Variants in RIMBP2 observed in about 807,000 individuals in gnomAD.
RIMBP2 encodes RIMS-binding protein 2.
In RIMBP2, 48 loss-of-function variants were observed where a neutral mutation model predicts 118.6. That is an observed-to-expected ratio of 0.40 (90% CI 0.32 to 0.51). The LOEUF (loss-of-function observed/expected upper bound fraction) is 0.51, where lower values mean the gene tolerates loss of function less well. Among genes scored for constraint, RIMBP2 ranks in the 20% least tolerant of loss-of-function variants. The pLI, the probability that RIMBP2 is intolerant of heterozygous loss-of-function variation, is 0.41. For missense variants in RIMBP2, 1,551 were observed against 1,768.3 expected, an observed-to-expected ratio of 0.88 and a Z score of 2.20; for synonymous variants, 762 against 742.9, an observed-to-expected ratio of 1.03 and a Z score of -0.42.
At chr12:130,565,917 T>C (rs1194187413) in intron 2 of RIMBP2, among the ~76,000 whole-genome samples, 6 of 152,216 alleles carry the variant, frequency 3.9e-5, no homozygotes, top group Non-Finnish European at 8.8e-5. Flanking sequence ...AATAATATTG[T>C]TTCTACTCCC....
chr12:130,586,343 A>G (rs1186401342), intron 2 of RIMBP2, among the ~76,000 whole-genome samples: 3 of 152,104 alleles, frequency 2.0e-5, no homozygotes, highest in African/African-American at 7.2e-5. Context: ...TCCCAGCTAC[A>G]TGGGAGGCTG....
intron 2 of RIMBP2, among the ~76,000 whole-genome samples, chr12:130,602,810 C>T (rs968564494): frequency 2.6e-5 from 4 of 152,120 alleles, no homozygotes; most frequent in African/African-American, 9.7e-5. Context: ...GTTCTTTTAG[C>T]ATAAACAGAG....
intron 2 of RIMBP2, among the ~76,000 whole-genome samples, chr12:130,524,693 A>C (rs535248045): frequency 6.6e-6 from 1 of 152,342 alleles, no homozygotes; most frequent in South Asian, 2.1e-4. Context: ...AGGGGATTGA[A>C]GAAGGGTCAG....
chr12:130,539,246 T>C (rs925343779), intron 2 of RIMBP2, among the ~76,000 whole-genome samples: 16 of 152,238 alleles, frequency 1.1e-4, no homozygotes, highest in African/African-American at 3.9e-4. Flanking sequence ...ATGTATTATA[T>C]AACAGTGTCA....
At chr12:130,643,141 A>C (rs760130037) in intron 1 of RIMBP2, among the ~76,000 whole-genome samples, 3 of 152,144 alleles carry the variant, frequency 2.0e-5, no homozygotes, top group Non-Finnish European at 2.9e-5. Context: ...ACCTGTGCCA[A>C]CCTTTCATTT....
At chr12:130,674,095 G>C (rs2064328471) in intron 1 of RIMBP2, among the ~76,000 whole-genome samples, 2 of 152,102 alleles carry the variant, frequency 1.3e-5, no homozygotes, top group South Asian at 4.2e-4. Context: ...TCCAGCCTGG[G>C]CGACAGAGTG....
In RIMBP2 at chr12:130,424,773, C is replaced by T; in HGVS notation, c.2498G>A (p.Ser833Asn). The change falls in exon 16 of 23, where the codon AGT (serine) becomes AAT (asparagine). Residue 833 changes from serine (S) to asparagine (N), a missense_variant. Transcript: ENST00000690449. This position sits in a 1 kb window ranked among gnomAD's most constrained non-coding sequence, Gnocchi z 9.8. Reference protein sequence around the residue: ...PHQPHRKRLFSIPEVAEEDGE... With the variant: ...PHQPHRKRLFNIPEVAEEDGE... Reference sequence around the variant, plus strand: ...GTCCTCTTCCGCTACTTCGGGGATACTGAAAAGTCTCTTCCTGTGGGGCTG... The same window carrying T: ...GTCCTCTTCCGCTACTTCGGGGATATTGAAAAGTCTCTTCCTGTGGGGCTG... The T allele has an allele frequency of 8.1e-7, 1 of 1,232,776 alleles. No individual in the cohort carries two copies. The highest frequency in any genetic ancestry group is 3.2e-5 in the East Asian group (1 of 31,702). 76.4% of individuals were successfully genotyped at this position (1,232,776 alleles called of 1,614,324 possible).
At chr12:130,464,837 C>T (rs1367704615) in intron 6 of RIMBP2, among the ~76,000 whole-genome samples, 1 of 152,246 alleles carries the variant, frequency 6.6e-6, no homozygotes, top group African/African-American at 2.4e-5. Flanking sequence ...CAGGGGTCAC[C>T]CAGCCTCTGA....
chr12:130,409,755 T>A (rs958877856), intron 19 of RIMBP2, among the ~76,000 whole-genome samples: 40 of 152,182 alleles, frequency 2.6e-4, no homozygotes, highest in African/African-American at 8.7e-4. Context: ...TAGGCCCCAT[T>A]GTGTGGGGCG....
intron 2 of RIMBP2, among the ~76,000 whole-genome samples, chr12:130,538,508 G>A (rs968628736): frequency 3.3e-5 from 5 of 151,920 alleles, no homozygotes; most frequent in Admixed American, 6.6e-5. Context: ...CCAGCCACCC[G>A]CCCACCTATG....
intron 2 of RIMBP2, among the ~76,000 whole-genome samples, chr12:130,557,767 C>T (rs1022313260): frequency 6.6e-6 from 1 of 152,164 alleles, no homozygotes; most frequent in African/African-American, 2.4e-5. Flanking sequence ...ATTTTAAAAT[C>T]CTCTTTTTTC....
At chr12:130,689,455 A>T (rs948226051) in intron 1 of RIMBP2, among the ~76,000 whole-genome samples, 4 of 152,178 alleles carry the variant, frequency 2.6e-5, no homozygotes, top group South Asian at 2.1e-4. Context: ...AATTAATTAA[A>T]TAAGTAACGA....
chr12:130,611,965 C>T (rs1486065899), intron 2 of RIMBP2, among the ~76,000 whole-genome samples: 1 of 152,218 alleles, frequency 6.6e-6, no homozygotes, highest in Non-Finnish European at 1.5e-5. Context: ...GAAGCAGATA[C>T]AATGCATCCT....
chr12:130,417,622 G>A (rs992035920), intron 17 of RIMBP2, among the ~76,000 whole-genome samples: 5 of 152,226 alleles, frequency 3.3e-5, no homozygotes, highest in African/African-American at 7.2e-5. Flanking sequence ...CTGACGGGGC[G>A]CTATGCTCAC....
intron 1 of RIMBP2, among the ~76,000 whole-genome samples, chr12:130,640,981 C>T (rs547362996): frequency 3.7e-4 from 56 of 152,362 alleles, no homozygotes; most frequent in African/African-American, 1.3e-3. Flanking sequence ...AAAGGGCAGA[C>T]ATGGCCCTAT....
chr12:130,524,503 G>T (rs1482621453), intron 2 of RIMBP2, among the ~76,000 whole-genome samples: 1 of 152,174 alleles, frequency 6.6e-6, no homozygotes, highest in Non-Finnish European at 1.5e-5. Flanking sequence ...GGCTCTGGCT[G>T]GACAGGCACT....
intron 2 of RIMBP2, among the ~76,000 whole-genome samples, chr12:130,625,042 A>T (rs1173022354): frequency 1.3e-5 from 2 of 152,204 alleles, no homozygotes; most frequent in Non-Finnish European, 2.9e-5. Context: ...GGTGTCTTAA[A>T]TTGATACATA....
In RIMBP2 at chr12:130,588,437, C is replaced by T. The variant is rs190438798; in HGVS notation, c.-217+39885G>A. 8.4e-4 allele frequency among the ~76,000 whole-genome samples: 128 copies of T among 152,318 alleles called. 3 individuals are homozygous for T. In the East Asian group the frequency reaches 0.02, roughly 24 times the overall value. ...AACCAGCATCATTCACTACAAACAGCAGCCATTAAAATAAACATGAGAAAA... is the reference window on the plus strand; with the variant it reads ...AACCAGCATCATTCACTACAAACAGTAGCCATTAAAATAAACATGAGAAAA... On this transcript the variant is annotated intron_variant, in intron 2 of 22. Transcript: ENST00000690449.
chr12:130,697,876 G>C (rs1053745999), intron 1 of RIMBP2, among the ~76,000 whole-genome samples: 3 of 152,250 alleles, frequency 2.0e-5, no homozygotes, highest in Non-Finnish European at 4.4e-5. Context: ...TGAAGAGACA[G>C]TGAGCTCCAT....
Sources: gnomAD v4.1 joint callset for allele counts (sites outside exome capture counted in the v4.1 genomes callset) on GRCh38, gnomAD v4.1.1 for gene constraint, Gnocchi (gnomAD v3.1) non-coding constraint, MANE v1.5 for transcripts, NCBI Gene and HGNC (gene_info 2026-07-23, HGNC 2026-07-21) for gene names.